The following DSC1 variants were observed in gnomAD, a reference collection of about 807,000 sequenced individuals.
DSC1 encodes desmocollin-1.
In DSC1, 79 loss-of-function variants were observed where a neutral mutation model predicts 98.8. The observed-to-expected ratio is 0.80, with a 90% CI of 0.67 to 0.96. The LOEUF is 0.96. Among genes scored for constraint, DSC1 ranks in the 50% least tolerant of loss-of-function variants. DSC1 has a pLI of 0.00. For missense variants in DSC1, 1,115 were observed against 1,075.9 expected (o/e 1.04, Z -0.51); for synonymous variants, 405 against 372.1 (o/e 1.09, Z -1.02).
At chr18:31,136,252 A>C (rs1988606232) in intron 11 of DSC1, among the ~76,000 whole-genome samples, 1 of 152,152 alleles carries the variant, frequency 6.6e-6, no homozygotes, top group Non-Finnish European at 1.5e-5. Context: ...TAATATGAAA[A>C]AGAGGCCTTA....
intron 11 of DSC1, among the ~76,000 whole-genome samples, chr18:31,138,742 C>G (rs1988665724): frequency 9.2e-6 from 1 of 108,488 alleles, no homozygotes; most frequent in Non-Finnish European, 2.2e-5. Flanking sequence ...TAAAGAAATG[C>G]AATAGACACA....
At position 31,134,435 on chromosome 18, in the gene DSC1, G is replaced by A. The variant is rs547615626; in HGVS notation, c.1876+137C>T. ...CACAATGGCACTAATTTTTTTTAAAGATTAGGTATTGTTGTTTTTAGGGTT... is the reference window on the plus strand; with the variant it reads ...CACAATGGCACTAATTTTTTTTAAAAATTAGGTATTGTTGTTTTTAGGGTT... On this transcript the variant is annotated intron_variant, in intron 12 of 15. Coordinates refer to ENST00000257198, the MANE Select transcript of DSC1 (RefSeq NM_024421.2). 1.1e-5 allele frequency: 9 copies of A among 855,910 alleles called. No individual in the cohort carries two copies. The East Asian group carries it at 2.2e-4, about 21-fold the overall frequency. The allele number at this position is 855,910 out of a possible 1,614,324, so 53.0% of individuals were successfully genotyped here.
chr18:31,131,664 A>C lies in DSC1; in HGVS notation c.2417T>G (p.Val806Gly). 1.2e-6 allele frequency: 2 copies of C among 1,613,792 alleles called. No individual in the cohort carries two copies. The highest frequency in any genetic ancestry group is 1.7e-6 in the Non-Finnish European group (2 of 1,179,918). The part of the protein sequence containing the change: ...GHQTLESVKG[V>G]GQGDTGRYAY... ...ATATCTGCCAGTATCTCCCTGCCCC[A>C]CTCCCTTGACGGACTCCAAGGTCTG... The change falls in exon 15 of 16, where the codon GTG becomes GGG. Residue 806 changes from valine to glycine, a missense_variant. By Grantham distance (109) the Val-to-Gly change is moderately radical. Coordinates refer to ENST00000257198, the MANE Select transcript of DSC1 (RefSeq NM_024421.2).
intron 2 of DSC1, among the ~76,000 whole-genome samples, chr18:31,158,193 G>A (rs1052407643): frequency 2.6e-5 from 4 of 152,092 alleles, no homozygotes; most frequent in Admixed American, 2.6e-4. Context: ...CTTGAACCTG[G>A]GAGGTGAAGG....
In DSC1 at chr18:31,130,698, C is replaced by T; in HGVS notation, c.2501G>A (p.Cys834Tyr). Residue 834 changes from cysteine (C) to tyrosine (Y), a missense_variant, in exon 16 of 16, where the codon TGT becomes TAT. Cys to Tyr is a radical substitution (Grantham distance 194). Coordinates refer to ENST00000257198, the MANE Select transcript of DSC1 (RefSeq NM_024421.2). ...QPRLGEKVYL[C>Y]GQDEEHKHCE... is the part of the protein sequence containing the mutation. ...ATGTTTATGCTCCTCATCTTGTCCA[C>T]ACAAATACACCTTCTGTATCAAAAA... The T allele has an allele frequency of 6.2e-7, 1 of 1,614,024 alleles. No homozygotes were observed. Among genetic ancestry groups the T allele is most frequent in the Non-Finnish European group, 8.5e-7 (1 of 1,179,972 alleles).
At chr18:31,149,352 C>T (rs1032364783) in intron 5 of DSC1, among the ~76,000 whole-genome samples, 1 of 152,310 alleles carries the variant, frequency 6.6e-6, no homozygotes, top group African/African-American at 2.4e-5. Flanking sequence ...CAGCTTTTTA[C>T]CACAACTAGC....
chr18:31,153,365 A>T lies in DSC1; in HGVS notation c.627+1409T>A, dbSNP rs569645943. 1.2e-4 allele frequency among the ~76,000 whole-genome samples: 18 copies of T among 152,312 alleles called. No homozygotes were observed. In the South Asian group the frequency reaches 3.7e-3, roughly 32 times the overall value. On this transcript the variant is annotated intron_variant, in intron 5 of 15. Coordinates refer to ENST00000257198, the MANE Select transcript of DSC1 (RefSeq NM_024421.2). Reference sequence around the variant, plus strand: ...ACTATCAATTATTTATTTGTTTATGAGTAGAAAGATCAAAGTGATTGCAAT... The same window carrying T: ...ACTATCAATTATTTATTTGTTTATGTGTAGAAAGATCAAAGTGATTGCAAT...
At chr18:31,159,019 G>A (rs115559605) in intron 2 of DSC1, among the ~76,000 whole-genome samples, 1,415 of 139,102 alleles carry the variant, frequency 0.01, 28 homozygotes, top group African/African-American at 0.036. Flanking sequence ...TTGTACATCC[G>A]ATTTTAACTT....
rs922668124 is a variant in DSC1, at chr18:31,151,760, C to T, written c.627+3014G>A. On this transcript the variant is annotated intron_variant, in intron 5 of 15. Transcript: ENST00000257198. ...AGTGGCAGGCATTCAGTAGATGGGG[C>T]AGAGAAAGGAGAGAGCAGTAACACC... 2.6e-5 allele frequency among the ~76,000 whole-genome samples: 4 copies of T among 152,156 alleles called. No individual in the cohort carries two copies. The East Asian group carries it at 5.8e-4, about 22-fold the overall frequency.
rs768060939 is a variant in DSC1, at chr18:31,130,533, T to C, written c.2666A>G (p.Lys889Arg). 1.2e-6 allele frequency: 2 copies of C among 1,614,074 alleles called. No homozygotes were observed. The highest frequency in any genetic ancestry group is 1.1e-5 in the South Asian group (1 of 91,090). ...GCACATTTATTTCTTGATGCATGTC[T>C]TTGCTAATGTCCTAAATTTGGGTTC... ...HLEPKFRTLAKTCIKK is the reference protein window; with the variant it reads ...HLEPKFRTLARTCIKK The change falls in exon 16 of 16, where the codon AAG becomes AGG. Residue 889 changes from lysine (K) to arginine (R), a missense_variant. Lys to Arg is a conservative substitution (Grantham distance 26, BLOSUM62 2). Transcript: ENST00000257198.
chr18:31,139,915 A>G (rs2144926752), intron 10 of DSC1, 25 bp from the exon 11 acceptor site: 1 of 1,585,244 alleles, frequency 6.3e-7, no homozygotes, highest in Non-Finnish European at 8.6e-7. Context: ...TCAAATATGA[A>G]CGGTCAAATC....
chr18:31,131,942 CCT>C (rs1988502694), intron 14 of DSC1, 100 bp from the exon 15 acceptor site: 1 of 1,281,432 alleles, frequency 7.8e-7, no homozygotes, highest in African/African-American at 1.5e-5. Context: ...GCCTGCTGTG[CCT>C]CTCTGTTCCT....
rs758779457 is a variant in DSC1, at chr18:31,131,858, G to A, written c.2239-16C>T. Reference sequence around the variant, plus strand: ...TATTTGCTTCCTAAAAGTAAAGTGAGAGTGATAAAGTGAATTTGAAAAATG... The same window carrying A: ...TATTTGCTTCCTAAAAGTAAAGTGAAAGTGATAAAGTGAATTTGAAAAATG... On this transcript the variant is annotated splice_polypyrimidine_tract_variant and intron_variant, in intron 14 of 15. Transcript: ENST00000257198. 6.2e-7 allele frequency: 1 copy of A among 1,610,444 alleles called. No individual in the cohort carries two copies. Among genetic ancestry groups the A allele is most frequent in the Non-Finnish European group, 8.5e-7 (1 of 1,177,454 alleles).
chr18:31,138,946 G>A (rs1442444433), intron 11 of DSC1, among the ~76,000 whole-genome samples: 1 of 151,974 alleles, frequency 6.6e-6, no homozygotes, highest in African/African-American at 2.4e-5. Context: ...TCATCAATAT[G>A]ATAAAATGGA....
chr18:31,141,127 A>ATATGTCTT (rs1457413446), intron 9 of DSC1, among the ~76,000 whole-genome samples: 3 of 152,170 alleles, frequency 2.0e-5, no homozygotes, highest in African/African-American at 7.2e-5. Flanking sequence ...CCAGTTTCGG[A>ATATGTCTT]TATGTCTTTA....
chr18:31,159,311 C>T (rs1395460120), intron 2 of DSC1, 134 bp downstream of exon 2: 3 of 750,162 alleles, frequency 4.0e-6, no homozygotes, highest in African/African-American at 1.8e-5. Context: ...CCTCGGCCTC[C>T]CAAAGTGCTG....
chr18:31,147,943 T>A (rs1988880810), intron 6 of DSC1, among the ~76,000 whole-genome samples: 1 of 151,768 alleles, frequency 6.6e-6, no homozygotes, highest in East Asian at 1.9e-4. Flanking sequence ...TATCCTTAAA[T>A]GACACTTTTT....
At chr18:31,134,253 T>C (rs1988559517) in intron 12 of DSC1, 123 bp from the exon 13 acceptor site, 3 of 1,328,348 alleles carry the variant, frequency 2.3e-6, no homozygotes, top group East Asian at 4.9e-5. Flanking sequence ...TCTTTTTTTT[T>C]TTGAATTTGT....
chr18:31,131,787 G>C lies in DSC1; in HGVS notation c.2294C>G (p.Ser765Cys). ...TCCCTGGCCACCAACAGTACCAACA[G>C]ACATGCTTGTGTCACAAATGTTGGA... is the stretch of plus-strand genomic sequence containing the variant. ...QTSNICDTSM[S>C]VGTVGGQGIK... Residue 765 changes from serine to cysteine, a missense_variant, in exon 15 of 16, where the codon TCT becomes TGT. Coordinates refer to ENST00000257198, the MANE Select transcript of DSC1 (RefSeq NM_024421.2). 1 of 1,614,104 alleles carries C rather than the reference G, an allele frequency of 6.2e-7. No individual in the cohort carries two copies. The highest frequency in any genetic ancestry group is 8.5e-7 in the Non-Finnish European group (1 of 1,179,986).
Sources: gnomAD v4.1 joint callset for allele counts (sites outside exome capture counted in the v4.1 genomes callset) on GRCh38, gnomAD v4.1.1 for gene constraint, MANE v1.5 for transcripts, NCBI Gene and HGNC (gene_info 2026-07-23, HGNC 2026-07-21) for gene names.